PHF24: variants seen among roughly 807,000 people sequenced by gnomAD.
The protein encoded by PHF24 is Galpha inhibitory interacting protein.
In PHF24, 25 loss-of-function variants were observed where a neutral mutation model predicts 42.6. That is an observed-to-expected ratio of 0.59 (90% CI 0.43 to 0.82). The LOEUF (loss-of-function observed/expected upper bound fraction) is 0.82, where lower values mean the gene tolerates loss of function less well. Among genes scored for constraint, PHF24 ranks in the 40% least tolerant of loss-of-function variants. PHF24 has a pLI of 0.00. For missense variants in PHF24, 470 were observed against 538.1 expected, an observed-to-expected ratio of 0.87 and a Z score of 1.25; for synonymous variants, 185 against 204.8, an observed-to-expected ratio of 0.90 and a Z score of 0.83.
chr9:34,739,462 C>T, the PHF24 span, among the ~76,000 whole-genome samples: 1 of 152,170 alleles, frequency 6.6e-6, no homozygotes, highest in Non-Finnish European at 1.5e-5. Context: ...AGGATAGTCA[C>T]TGCATCATTA....
chr9:34,738,213 A>G, the PHF24 span, among the ~76,000 whole-genome samples: 3 of 152,198 alleles, frequency 2.0e-5, no homozygotes, highest in African/African-American at 7.2e-5. Context: ...AGCTGATCCC[A>G]GTCAGTCCCA....
the PHF24 span, among the ~76,000 whole-genome samples, chr9:34,754,383 CAAA>C: frequency 3.3e-5 from 5 of 151,950 alleles, no homozygotes; most frequent in Non-Finnish European, 7.4e-5. Flanking sequence ...TGATATTTGT[CAAA>C]AGAAGACATA....
chr9:34,881,607 C>A, the PHF24 span, among the ~76,000 whole-genome samples: 1 of 152,172 alleles, frequency 6.6e-6, no homozygotes, highest in Non-Finnish European at 1.5e-5. Context: ...ACTAGAAAAT[C>A]TAGAAGAAAT....
chr9:34,889,193 G>A, the PHF24 span: 1 of 398,612 alleles, frequency 2.5e-6, no homozygotes, highest in Non-Finnish European at 4.4e-6. Flanking sequence ...TTTTTCTTGT[G>A]ATGGGTATTC....
intron 1 of PHF24, among the ~76,000 whole-genome samples, chr9:34,970,847 C>G (rs532373850): frequency 6.6e-6 from 1 of 152,266 alleles, no homozygotes; most frequent in South Asian, 2.1e-4. Context: ...CTACGAAGCA[C>G]CATTATGCCC....
chr9:34,962,462 A>T (rs1386870168), intron 1 of PHF24, among the ~76,000 whole-genome samples: 12 of 151,312 alleles, frequency 7.9e-5, no homozygotes, highest in African/African-American at 2.7e-4. Context: ...CCCCCTGCAC[A>T]CGCACATACT....
At chr9:34,837,116 A>C in the PHF24 span, 1 of 471,192 alleles carries the variant, frequency 2.1e-6, no homozygotes. Context: ...CTTCCTGAGA[A>C]AGTCTCCTAG....
the PHF24 span, among the ~76,000 whole-genome samples, chr9:34,875,936 A>AATCT: frequency 1.1e-5 from 1 of 87,904 alleles, no homozygotes; most frequent in East Asian, 3.1e-4. Flanking sequence ...ACACACACAC[A>AATCT]CACACACACA....
the PHF24 span, among the ~76,000 whole-genome samples, chr9:34,881,721 A>G: frequency 6.6e-6 from 1 of 152,198 alleles, no homozygotes; most frequent in African/African-American, 2.4e-5. Context: ...AATAATTAAT[A>G]GCCTACCAAC....
the PHF24 span, among the ~76,000 whole-genome samples, chr9:34,889,883 G>A: frequency 6.6e-6 from 1 of 152,142 alleles, no homozygotes; most frequent in African/African-American, 2.4e-5. Flanking sequence ...GGGCACTCCC[G>A]GTTTGGCATT....
At chr9:34,705,743 C>T in the PHF24 span, among the ~76,000 whole-genome samples, 140 of 152,084 alleles carry the variant, frequency 9.2e-4, no homozygotes, top group African/African-American at 3.2e-3. Flanking sequence ...TAATGATTTA[C>T]GTTTTATGGT....
At chr9:34,696,348 C>G in the PHF24 span, among the ~76,000 whole-genome samples, 1 of 152,030 alleles carries the variant, frequency 6.6e-6, no homozygotes, top group South Asian at 2.1e-4. Context: ...ATTAGCCAGG[C>G]ACGCTGGCGA....
At chr9:34,684,216 G>A in the PHF24 span, among the ~76,000 whole-genome samples, 22 of 152,264 alleles carry the variant, frequency 1.4e-4, no homozygotes, top group African/African-American at 2.4e-4. Context: ...GTTCACTATC[G>A]TATCACCAGC....
chr9:34,957,821 CG>C (rs1419453785), upstream of PHF24: 1 of 152,256 alleles, frequency 6.6e-6, no homozygotes, highest in African/African-American at 2.4e-5. Context: ...ACCCGGACCC[CG>C]CCTTCCCCCC....
At chr9:34,699,035 T>C in the PHF24 span, among the ~76,000 whole-genome samples, 1 of 152,266 alleles carries the variant, frequency 6.6e-6, no homozygotes, top group African/African-American at 2.4e-5. Flanking sequence ...ACTCAGATTA[T>C]AGTTCATCCA....
the PHF24 span, among the ~76,000 whole-genome samples, chr9:34,688,084 T>C: frequency 9.2e-5 from 14 of 152,292 alleles, no homozygotes; most frequent in South Asian, 2.9e-3. Flanking sequence ...AGCACCTGCA[T>C]CTGGGAGCAG....
the PHF24 span, among the ~76,000 whole-genome samples, chr9:34,756,087 A>C: frequency 2.6e-5 from 4 of 151,724 alleles, no homozygotes; most frequent in Non-Finnish European, 5.9e-5. Context: ...CCCTGTAATT[A>C]ATTTTGAGTT....
chr9:34,816,951 C>G, the PHF24 span, among the ~76,000 whole-genome samples: 1 of 152,004 alleles, frequency 6.6e-6, no homozygotes, highest in Non-Finnish European at 1.5e-5. Flanking sequence ...TGATCATTTT[C>G]AAATCAAAAG....
chr9:34,738,580 T>TCATGATC, the PHF24 span, among the ~76,000 whole-genome samples: 2 of 152,040 alleles, frequency 1.3e-5, no homozygotes, highest in Non-Finnish European at 2.9e-5. Context: ...TCTCCTGACC[T>TCATGATC]CATGATCCGC....
Sources: allele counts gnomAD v4.1 joint callset (sites outside exome capture counted in the v4.1 genomes callset), GRCh38; gene constraint gnomAD v4.1.1; transcripts MANE v1.5; gene names NCBI Gene and HGNC (gene_info 2026-07-23, HGNC 2026-07-21).